Variants in TULP3 observed in about 807,000 individuals in gnomAD.
TULP3 encodes TUB like protein 3, also known as tubby-related protein 3.
TULP3 carries 38 observed loss-of-function variants against 50.7 expected under a neutral mutation model. That is an observed-to-expected ratio of 0.75 (90% CI 0.58 to 0.98). TULP3 has a LOEUF of 0.98. Among genes scored for constraint, TULP3 ranks in the 50% least tolerant of loss-of-function variants. TULP3 has a pLI of 0.00. For missense variants in TULP3, 550 were observed against 568.0 expected, an observed-to-expected ratio of 0.97 and a Z score of 0.32; for synonymous variants, 183 against 196.6, an observed-to-expected ratio of 0.93 and a Z score of 0.58.
rs773081590 is a variant in TULP3 at position 2,931,250 on chromosome 12, T to A, written c.696+10T>A. On this transcript the variant is annotated intron_variant, in intron 6 of 10. Coordinates refer to ENST00000448120, the MANE Select transcript of TULP3 (RefSeq NM_003324.5). ...AGAAGAAAATCAGAAGGTATGAGAA[T>A]TGATTTCTAAGAAAACTCTTGAGAG... 1 of 1,612,630 alleles carries A rather than the reference T, an allele frequency of 6.2e-7. No individual in the cohort carries two copies. Among genetic ancestry groups the A allele is most frequent in the Non-Finnish European group, 8.5e-7 (1 of 1,179,176 alleles).
intron 1 of TULP3, among the ~76,000 whole-genome samples, chr12:2,892,036 C>A (rs2907606): frequency 0.29 from 43,749 of 151,708 alleles, 7,123 homozygotes; most frequent in African/African-American, 0.44. Flanking sequence ...CTGTGTTGGG[C>A]CACTGAGCTC....
intron 2 of TULP3, among the ~76,000 whole-genome samples, chr12:2,911,680 T>C: frequency 3.0e-5 from 1 of 33,378 alleles, no homozygotes; most frequent in South Asian, 1.0e-3. Flanking sequence ...TTTTTTTTTT[T>C]TTTTTTTTTT....
intron 1 of TULP3, among the ~76,000 whole-genome samples, chr12:2,906,266 G>C (rs1268719304): frequency 6.7e-6 from 1 of 148,904 alleles, no homozygotes; most frequent in Non-Finnish European, 1.5e-5. Flanking sequence ...TCCTGACCTC[G>C]TGATCCGCTG....
chr12:2,936,217 C>T (rs564713217), intron 8 of TULP3, among the ~76,000 whole-genome samples: 5 of 151,940 alleles, frequency 3.3e-5, no homozygotes, highest in African/African-American at 1.2e-4. Flanking sequence ...TTGCAATGAG[C>T]CAAGATTGTG....
intron 8 of TULP3, among the ~76,000 whole-genome samples, chr12:2,935,540 C>T (rs371005188): frequency 2.4e-4 from 37 of 152,348 alleles, no homozygotes; most frequent in African/African-American, 8.4e-4. Flanking sequence ...ATTGACCCAT[C>T]TCAGCTGGTT....
chr12:2,932,579 CAA>C (rs11409686), intron 6 of TULP3, among the ~76,000 whole-genome samples: 63 of 68,858 alleles, frequency 9.1e-4, no homozygotes, highest in African/African-American at 2.0e-3. Flanking sequence ...GACCCTATCT[CAA>C]AAAAAAAAAA....
rs1164944444 is a variant in TULP3 at position 2,931,046 on chromosome 12, ACTTC to A, written c.504_507del (p.Ser169ValfsTer16). The A allele has an allele frequency of 1.2e-6, 2 of 1,614,126 alleles. No homozygotes were observed. Among genetic ancestry groups the A allele is most frequent in the Non-Finnish European group, 1.7e-6 (2 of 1,180,038 alleles). On this transcript the variant is annotated frameshift_variant, in exon 6 of 11. Transcript: ENST00000448120. LOFTEE classifies it high-confidence loss of function. ...ATGGCTGTCCTTTCAGGATACAGGC[ACTTC>A]CGGTTCTGCTACTGCCGCCCAACCA...
At chr12:2,909,440 A>G (rs2098184172) in intron 1 of TULP3, 89 bp from the exon 2 acceptor site, 1 of 1,317,024 alleles carries the variant, frequency 7.6e-7, no homozygotes, top group East Asian at 2.4e-5. Flanking sequence ...TTGGTTCCAA[A>G]TAGCCCAAAA....
chr12:2,938,007 G>T, intron 9 of TULP3, 107 bp from the exon 10 acceptor site: 1 of 1,248,818 alleles, frequency 8.0e-7, no homozygotes, highest in Non-Finnish European at 1.1e-6. Flanking sequence ...TTCATTCTTC[G>T]CTTCTGGTTT....
At chr12:2,920,617 G>A (rs1442040539) in intron 2 of TULP3, 146 bp from the exon 3 acceptor site, 33 of 884,866 alleles carry the variant, frequency 3.7e-5, no homozygotes, top group Middle Eastern at 7.1e-4. Flanking sequence ...TCCTCTCTGT[G>A]CCTCAGTTTT....
chr12:2,897,057 G>A (rs2098175965), intron 1 of TULP3, among the ~76,000 whole-genome samples: 1 of 152,056 alleles, frequency 6.6e-6, no homozygotes, highest in Non-Finnish European at 1.5e-5. Context: ...CGCCTAGGCT[G>A]GAGTGCAGTG....
chr12:2,922,527 G>A, intron 4 of TULP3, 125 bp downstream of exon 4: 2 of 1,201,708 alleles, frequency 1.7e-6, no homozygotes, highest in South Asian at 1.7e-5. Flanking sequence ...GCCTCACAGA[G>A]GTGACAGTGT....
chr12:2,930,139 G>T, intron 4 of TULP3, 109 bp from the exon 5 acceptor site: 3 of 732,058 alleles, frequency 4.1e-6, no homozygotes, highest in South Asian at 2.0e-5. Context: ...TTGTGTTTAC[G>T]GTCAGAATAG....
chr12:2,939,783 G>T lies in TULP3; in HGVS notation c.*339G>T. The T allele has an allele frequency of 8.4e-7, 1 of 1,196,674 alleles. No individual in the cohort carries two copies. The highest frequency in any genetic ancestry group is 1.1e-6 in the Non-Finnish European group (1 of 948,164). The allele number at this position is 1,196,674 out of a possible 1,614,324, so 74.1% of individuals were successfully genotyped here. The stretch of plus-strand genomic sequence containing the variant: ...GAAGAGCAATAGTTTGCCCCTTTTG[G>T]AACGACCCCTGAATATATAAAACAC... On this transcript the variant is annotated 3_prime_UTR_variant, in exon 11 of 11. Transcript: ENST00000448120. The surrounding 1 kb of genome is among the most constrained non-coding windows in gnomAD (Gnocchi z 4.0).
chr12:2,926,099 C>T (rs369630207), intron 4 of TULP3, among the ~76,000 whole-genome samples: 3 of 152,140 alleles, frequency 2.0e-5, no homozygotes, highest in Non-Finnish European at 4.4e-5. Context: ...GACAGATTCA[C>T]GGGAACTGAG....
At chr12:2,930,549 G>A (rs368068178) in intron 5 of TULP3, among the ~76,000 whole-genome samples, 2 of 152,028 alleles carry the variant, frequency 1.3e-5, no homozygotes, top group Non-Finnish European at 1.5e-5. Flanking sequence ...TCAATCTCCC[G>A]AGTAGCTGGG....
rs59718569 is a variant in TULP3 at position 2,898,079 on chromosome 12, CA to C, written c.41+7110del. Among the ~76,000 whole-genome samples the C allele has an allele frequency of 5.5e-3, 510 of 93,198 alleles. 2 individuals are homozygous for C. Among genetic ancestry groups the C allele is most frequent in the East Asian group, 0.033 (101 of 3,096 alleles). 61.1% of individuals were successfully genotyped at this position (93,198 alleles called of 152,430 possible). On this transcript the variant is annotated intron_variant, in intron 1 of 10. Coordinates refer to ENST00000448120, the MANE Select transcript of TULP3 (RefSeq NM_003324.5). ...GGCAACAAGAGCGGAAACTAGATCTCAAAAAAAAAAAAAAAAAAAGATATAA... is the reference window on the plus strand; with the variant it reads ...GGCAACAAGAGCGGAAACTAGATCTCAAAAAAAAAAAAAAAAAAGATATAA...
At chr12:2,920,143 A>G (rs1426804368) in intron 2 of TULP3, among the ~76,000 whole-genome samples, 1 of 151,978 alleles carries the variant, frequency 6.6e-6, no homozygotes, top group Non-Finnish European at 1.5e-5. Flanking sequence ...GTGTGTTTGT[A>G]TGTTTTGAGC....
At position 2,938,131 on chromosome 12, in the gene TULP3, C is replaced by G. The variant is rs553308503; in HGVS notation, c.1041C>G (p.Leu347=). The G allele has an allele frequency of 3.7e-6, 6 of 1,614,064 alleles. No individual in the cohort carries two copies. In the African/African-American group the frequency reaches 8.0e-5, roughly 22 times the overall value. ...TTGGACAGAACCATGACAGTTTGCT[C>G]TCAAGGTGGCAGAACAGAACTATGG... The part of the protein sequence containing the change: ...YQPQNNHDSL[L]SRWQNRTMEN... The change falls in exon 10 of 11, where the codon CTC becomes CTG. Residue 347 remains leucine (L), a synonymous_variant. Coordinates refer to ENST00000448120, the MANE Select transcript of TULP3 (RefSeq NM_003324.5).
Sources: allele counts gnomAD v4.1 joint callset (sites outside exome capture counted in the v4.1 genomes callset), GRCh38; gene constraint gnomAD v4.1.1; non-coding constraint Gnocchi (gnomAD v3.1); transcripts MANE v1.5; gene names NCBI Gene and HGNC (gene_info 2026-07-23, HGNC 2026-07-21).